Variants in ZFAT observed in about 807,000 individuals in gnomAD.
ZFAT encodes the protein zinc finger and AT-hook domain containing.
In ZFAT, 64 loss-of-function variants were observed where a neutral mutation model predicts 117.7. The ratio of observed to expected loss-of-function variants is 0.54; its 90% confidence interval spans 0.44 to 0.67. ZFAT has a LOEUF of 0.67. Among genes scored for constraint, ZFAT ranks in the 30% least tolerant of loss-of-function variants. The pLI is 0.00. For synonymous variants in ZFAT, 679 were observed against 615.0 expected (o/e 1.10, Z -1.54); for missense variants, 1,433 against 1,584.5 (o/e 0.90, Z 1.62).
chr8:134,745,903 G>T, the ZFAT span, among the ~76,000 whole-genome samples: 1 of 152,172 alleles, frequency 6.6e-6, no homozygotes, highest in South Asian at 2.1e-4. Flanking sequence ...GAAAGATGGG[G>T]TTGGTTGCAG....
At chr8:134,544,424 A>G (rs1372680827) in intron 11 of ZFAT, among the ~76,000 whole-genome samples, 1 of 145,738 alleles carries the variant, frequency 6.9e-6, no homozygotes, top group Non-Finnish European at 1.5e-5. Flanking sequence ...AACAAAAGAA[A>G]AAAACTAAAA....
rs1422285535 is a variant in ZFAT, at chr8:134,610,609, A to C, written c.495T>G (p.Asp165Glu). 1 of 1,613,992 alleles carries C rather than the reference A, an allele frequency of 6.2e-7. No individual in the cohort carries two copies. Among genetic ancestry groups the C allele is most frequent in the Non-Finnish European group, 8.5e-7 (1 of 1,180,030 alleles). Residue 165 changes from aspartate to glutamate, a missense_variant, in exon 4 of 16, where the codon GAT (aspartate) becomes GAG (glutamate). Physicochemically the swap from Asp to Glu is conservative, Grantham distance 45. Transcript: ENST00000377838. ...GTGGTCTTTTCGAGGCTTTTTCCCG[A>C]TCATCTTCCTTACACTTCTTTTCTA... ...LELEKKCKED[D>E]REKASKRPRS...
At chr8:134,493,518 A>AG (rs1818207485) in intron 15 of ZFAT, among the ~76,000 whole-genome samples, 1 of 152,256 alleles carries the variant, frequency 6.6e-6, no homozygotes, top group African/African-American at 2.4e-5. Context: ...TCGGCAGTCT[A>AG]GGCATTGCTT....
chr8:134,502,264 C>T (rs915246073), intron 15 of ZFAT, among the ~76,000 whole-genome samples: 1 of 152,130 alleles, frequency 6.6e-6, no homozygotes, highest in African/African-American at 2.4e-5. Context: ...TTGAGAAGTC[C>T]CTTCTGCAGA....
chr8:134,686,136 C>T (rs17700442), intron 1 of ZFAT, among the ~76,000 whole-genome samples: 5,116 of 152,368 alleles, frequency 0.034, 131 homozygotes, highest in Middle Eastern at 0.12. Context: ...CTCAGACCAA[C>T]TCTGACCACA....
chr8:134,604,668 T>C (rs1037553326), intron 5 of ZFAT, among the ~76,000 whole-genome samples: 6 of 152,248 alleles, frequency 3.9e-5, no homozygotes, highest in African/African-American at 1.4e-4. Flanking sequence ...CACTGTAAAG[T>C]CTATAGTTAT....
At chr8:134,516,754 C>T (rs1820282671) in intron 13 of ZFAT, among the ~76,000 whole-genome samples, 1 of 151,954 alleles carries the variant, frequency 6.6e-6, no homozygotes, top group Admixed American at 6.6e-5. Context: ...TCTACTGTCT[C>T]CTGAGGTAAG....
intron 6 of ZFAT, among the ~76,000 whole-genome samples, chr8:134,600,983 G>T (rs531542166): frequency 5.5e-4 from 83 of 152,180 alleles, no homozygotes; most frequent in African/African-American, 1.9e-3. Flanking sequence ...AAGTTCTACC[G>T]GCCCTCCTGG....
At chr8:134,487,512 C>T (rs1201945440) in intron 15 of ZFAT, among the ~76,000 whole-genome samples, 1 of 152,182 alleles carries the variant, frequency 6.6e-6, no homozygotes, top group African/African-American at 2.4e-5. Flanking sequence ...TGAAAAACCT[C>T]CAAAGCCCAC....
intron 1 of ZFAT, among the ~76,000 whole-genome samples, chr8:134,697,114 G>A (rs1833881798): frequency 6.6e-6 from 1 of 150,540 alleles, no homozygotes; most frequent in African/African-American, 2.4e-5. Flanking sequence ...GTTTGGTTTG[G>A]TTTTGAGATG....
intron 5 of ZFAT, among the ~76,000 whole-genome samples, chr8:134,604,500 A>T (rs1827739628): frequency 6.6e-6 from 1 of 152,238 alleles, no homozygotes; most frequent in Admixed American, 6.5e-5. Flanking sequence ...CACCAGGGAC[A>T]GGCACTGACA....
At chr8:134,533,063 A>G (rs576755939) in intron 11 of ZFAT, 91 bp from the exon 12 acceptor site, 2 of 1,510,862 alleles carry the variant, frequency 1.3e-6, no homozygotes, top group South Asian at 1.3e-5. Flanking sequence ...TGACACCCTG[A>G]AAGCCTGAGA....
chr8:134,557,476 A>C (rs1318901533), intron 11 of ZFAT, among the ~76,000 whole-genome samples: 1 of 152,254 alleles, frequency 6.6e-6, no homozygotes, highest in African/African-American at 2.4e-5. Flanking sequence ...TAATGTATTA[A>C]TATTGATTCA....
chr8:134,633,128 C>T (rs1217396316), intron 3 of ZFAT, among the ~76,000 whole-genome samples: 1 of 151,800 alleles, frequency 6.6e-6, no homozygotes, highest in Non-Finnish European at 1.5e-5. Flanking sequence ...AAAAAAAAAG[C>T]AATGCTACAA....
intron 1 of ZFAT, among the ~76,000 whole-genome samples, chr8:134,701,941 A>T (rs1834018656): frequency 6.6e-6 from 1 of 152,242 alleles, no homozygotes; most frequent in South Asian, 2.1e-4. Flanking sequence ...TGATTGGACC[A>T]TGATGGCTCT....
At chr8:134,527,195 G>A (rs977632023) in intron 12 of ZFAT, among the ~76,000 whole-genome samples, 1 of 152,316 alleles carries the variant, frequency 6.6e-6, no homozygotes, top group African/African-American at 2.4e-5. Flanking sequence ...GCCTCTAGAG[G>A]CTAGAAAAGG....
intron 11 of ZFAT, among the ~76,000 whole-genome samples, chr8:134,552,084 C>A (rs143157868): frequency 1.3e-5 from 2 of 152,234 alleles, no homozygotes; most frequent in East Asian, 3.9e-4. Context: ...GTTCCCACAG[C>A]ACCTTGTACA....
chr8:134,643,249 T>C (rs1830689217), intron 2 of ZFAT, among the ~76,000 whole-genome samples: 1 of 152,242 alleles, frequency 6.6e-6, no homozygotes, highest in African/African-American at 2.4e-5. Context: ...AGGAATTGAA[T>C]ACAGACCTGT....
chr8:134,601,474 T>C lies in ZFAT; in HGVS notation c.2242+3A>G, dbSNP rs775539826. ...GCCACGCACCGGCGCTGCCTTTCCTTACCACAGTATTCACACTCCAGGTCT... is the reference window on the plus strand; with the variant it reads ...GCCACGCACCGGCGCTGCCTTTCCTCACCACAGTATTCACACTCCAGGTCT... On this transcript the variant is annotated splice_donor_region_variant and intron_variant, in intron 6 of 15. Coordinates refer to ENST00000377838, the MANE Select transcript of ZFAT (RefSeq NM_020863.4). The C allele has an allele frequency of 6.2e-7, 1 of 1,601,266 alleles. No individual in the cohort carries two copies. The highest frequency in any genetic ancestry group is 8.5e-7 in the Non-Finnish European group (1 of 1,171,048).
Sources: allele counts gnomAD v4.1 joint callset (sites outside exome capture counted in the v4.1 genomes callset), GRCh38; gene constraint gnomAD v4.1.1; transcripts MANE v1.5; gene names NCBI Gene and HGNC (gene_info 2026-07-23, HGNC 2026-07-21).